The following PPIH variants were observed in gnomAD, a reference collection of about 807,000 sequenced individuals.
PPIH encodes the protein peptidylprolyl isomerase H, also known as peptidyl-prolyl cis-trans isomerase H.
PPIH carries 16 observed loss-of-function variants against 27.6 expected under a neutral mutation model. That is an observed-to-expected ratio of 0.58 (90% CI 0.39 to 0.88). PPIH has a LOEUF of 0.88. Among genes scored for constraint, PPIH ranks in the 40% least tolerant of loss-of-function variants. The probability of loss-of-function intolerance (pLI) is 0.00; values close to 1 mark genes in which losing one functional copy is unlikely to be tolerated. For missense variants in PPIH, 155 were observed against 224.1 expected (o/e 0.69, Z 1.97); for synonymous variants, 63 against 76.1 (o/e 0.83, Z 0.90).
At chr1:42,678,789 T>C (rs1020045610), downstream of PPIH, 2 of 152,184 alleles carry the variant, frequency 1.3e-5, no homozygotes, top group Non-Finnish European at 2.9e-5. Context: ...TAAATAAATA[T>C]TTGTTGCATG....
At chr1:42,661,236 A>G (rs1557510789) in intron 5 of PPIH, among the ~76,000 whole-genome samples, 1 of 152,180 alleles carries the variant, frequency 6.6e-6, no homozygotes, top group South Asian at 2.1e-4. Flanking sequence ...CTTAGTCAGA[A>G]ATCAGCTGTG....
intron 9 of PPIH, among the ~76,000 whole-genome samples, chr1:42,670,524 C>T (rs1216941366): frequency 6.6e-6 from 1 of 152,040 alleles, no homozygotes; most frequent in African/African-American, 2.4e-5. Context: ...CAACCCTCCC[C>T]GCTCTCCCCC....
chr1:42,666,446 T>C, intron 7 of PPIH, 101 bp from the exon 8 acceptor site: 2 of 1,189,456 alleles, frequency 1.7e-6, no homozygotes, highest in Non-Finnish European at 2.5e-6. Context: ...TTTCCTAAAG[T>C]TAGTATGAGG....
Position 42,658,830 on chromosome 1 carries a change from C to G in PPIH, c.67-14C>G. 1 of 1,614,182 alleles carries G rather than the reference C, an allele frequency of 6.2e-7. No homozygotes were observed. The highest frequency in any genetic ancestry group is 8.5e-7 in the Non-Finnish European group (1 of 1,179,980). On this transcript the variant is annotated splice_polypyrimidine_tract_variant and intron_variant, in intron 1 of 9. Coordinates refer to ENST00000304979, the MANE Select transcript of PPIH (RefSeq NM_006347.4). The stretch of plus-strand genomic sequence containing the variant: ...CTTGGACTGGGCCTTCTGACACTCT[C>G]CCGCTGATTGCAGGAAGTTGGCCGC...
intron 9 of PPIH, among the ~76,000 whole-genome samples, chr1:42,673,964 C>T (rs1013282997): frequency 3.3e-5 from 5 of 152,230 alleles, no homozygotes; most frequent in Admixed American, 2.0e-4. Context: ...GAGACATTCC[C>T]GTAGGGGAAG....
In PPIH at chr1:42,659,262, G is replaced by C. The variant is rs747529314; in HGVS notation, c.155+11G>C. 5 of 1,614,192 alleles carry C rather than the reference G, an allele frequency of 3.1e-6. No individual in the cohort carries two copies. In the East Asian group the frequency reaches 1.1e-4, roughly 36 times the overall value. On this transcript the variant is annotated intron_variant, in intron 3 of 9. Transcript: ENST00000304979. ...CACCGGAGAATTCAGGTCAGTTTCA[G>C]ATGTGTTTGACTTCTTTGCCTGCTC...
At chr1:42,663,791 T>TA (rs773825807) in intron 5 of PPIH, among the ~76,000 whole-genome samples, 103 of 152,336 alleles carry the variant, frequency 6.8e-4, no homozygotes, top group Non-Finnish European at 1.3e-3. Flanking sequence ...TTCTCTGGCT[T>TA]ATATTAATGG....
chr1:42,664,369 G>T (rs75839254), intron 5 of PPIH, among the ~76,000 whole-genome samples: 5 of 152,282 alleles, frequency 3.3e-5, no homozygotes, highest in African/African-American at 1.2e-4. Context: ...AGTTGGCCCA[G>T]AGTGAGTTAG....
intron 1 of PPIH, 22 bp downstream of exon 1, chr1:42,658,534 A>C (rs760063688): frequency 3.1e-6 from 5 of 1,608,430 alleles, no homozygotes; most frequent in Admixed American, 1.7e-5. Context: ...GAGGCTGCCC[A>C]CACCTGCGCC....
At chr1:42,660,827 A>C in intron 4 of PPIH, 35 bp from the exon 5 acceptor site, 1 of 1,539,580 alleles carries the variant, frequency 6.5e-7, no homozygotes, top group Non-Finnish European at 8.8e-7. Context: ...TCTAAACCAT[A>C]AAATCTTCTC....
At chr1:42,659,082 T>A (rs1382383498) in intron 2 of PPIH, 146 bp from the exon 3 acceptor site, 6 of 1,388,114 alleles carry the variant, frequency 4.3e-6, no homozygotes, top group Non-Finnish European at 6.0e-6. Context: ...TAATTTACGT[T>A]GTTAGTCTGT....
rs1294113537 is a variant in PPIH at position 42,658,905 on chromosome 1, T to G, written c.128T>G (p.Phe43Cys). Residue 43 changes from phenylalanine to cysteine, a missense_variant, in exon 2 of 10, where the codon TTT (phenylalanine) becomes TGT (cysteine). Phe to Cys is a radical substitution (Grantham distance 205). Transcript: ENST00000304979. ...GTTGTGCCTAAGACGGCCGAGAACTTTAGGTAAGGACGTGCTCCAGCTCCG... is the reference window on the plus strand; with the variant it reads ...GTTGTGCCTAAGACGGCCGAGAACTGTAGGTAAGGACGTGCTCCAGCTCCG... ...ADVVPKTAEN[F>C]RQFCTGEFRK... 5.6e-6 allele frequency: 9 copies of G among 1,614,010 alleles called. No individual in the cohort carries two copies. The highest frequency in any genetic ancestry group is 7.6e-6 in the Non-Finnish European group (9 of 1,179,994).
chr1:42,679,893 T>G (rs111603476), downstream of PPIH, among the ~76,000 whole-genome samples: 889 of 152,372 alleles, frequency 5.8e-3, 13 homozygotes, highest in African/African-American at 0.02. Flanking sequence ...TCACCTGGAT[T>G]ACTGGCACAG....
At chr1:42,659,923 G>A (rs1246933962) in intron 4 of PPIH, among the ~76,000 whole-genome samples, 4 of 152,144 alleles carry the variant, frequency 2.6e-5, no homozygotes, top group Admixed American at 2.6e-4. Flanking sequence ...ATTGTCCAAG[G>A]ATAATCATAT....
chr1:42,666,523 GT>G (rs753501010), intron 7 of PPIH, 23 bp from the exon 8 acceptor site: 39 of 1,611,422 alleles, frequency 2.4e-5, no homozygotes, highest in Non-Finnish European at 3.3e-5. Context: ...CAAGAATAAA[GT>G]CCAGCTCATG....
At chr1:42,678,241 C>T (rs1166612428), downstream of PPIH, among the ~76,000 whole-genome samples, 6 of 152,164 alleles carry the variant, frequency 3.9e-5, no homozygotes, top group Non-Finnish European at 8.8e-5. Flanking sequence ...GTCAGCTGCA[C>T]TCTGTTACAT....
At chr1:42,669,046 C>CA (rs766495746) in intron 9 of PPIH, among the ~76,000 whole-genome samples, 17,161 of 135,266 alleles carry the variant, frequency 0.13, 993 homozygotes, top group East Asian at 0.2. Flanking sequence ...CCCGTCTTTC[C>CA]AAAAAAAAAA....
At chr1:42,672,300 C>G (rs918777436) in intron 9 of PPIH, among the ~76,000 whole-genome samples, 14 of 152,140 alleles carry the variant, frequency 9.2e-5, no homozygotes, top group South Asian at 4.1e-4. Context: ...CTAATCAGCT[C>G]TCAGGTGATG....
chr1:42,675,879 A>C (rs1270019576), intron 9 of PPIH, among the ~76,000 whole-genome samples: 1 of 152,156 alleles, frequency 6.6e-6, no homozygotes, highest in Non-Finnish European at 1.5e-5. Flanking sequence ...AAAAGGACAA[A>C]GGCTTTGGAG....
Sources: gnomAD v4.1 joint callset for allele counts (sites outside exome capture counted in the v4.1 genomes callset) on GRCh38, gnomAD v4.1.1 for gene constraint, MANE v1.5 for transcripts, NCBI Gene and HGNC (gene_info 2026-07-23, HGNC 2026-07-21) for gene names.